Variants in RFC3 observed in about 807,000 individuals in gnomAD.
The protein encoded by RFC3 is A1 38 kDa subunit.
Under a neutral mutation model 45.1 loss-of-function variants are expected in RFC3, and 41 were observed. The ratio of observed to expected loss-of-function variants is 0.91; its 90% CI spans 0.71 to 1.18. The LOEUF (loss-of-function observed/expected upper bound fraction) is 1.18, where lower values mean the gene tolerates loss of function less well. Among genes scored for constraint, RFC3 ranks in the 50% most tolerant of loss-of-function variants. The pLI is 0.00. For synonymous variants in RFC3, 149 were observed against 144.0 expected (o/e 1.03, Z -0.25); for missense variants, 423 against 428.1 (o/e 0.99, Z 0.10).
In RFC3 at chr13:33,836,548, G is replaced by A. The variant is rs2082156770; in HGVS notation, c.*253G>A. The A allele has an allele frequency of 1.7e-6, 2 of 1,170,824 alleles. No individual in the cohort carries two copies. Among genetic ancestry groups the A allele is most frequent in the Non-Finnish European group, 2.1e-6 (2 of 943,640 alleles). 72.5% of individuals were successfully genotyped at this position (1,170,824 alleles called of 1,614,324 possible). Reference sequence around the variant, plus strand: ...TGATCTTAATTTACTTTAAGCATTGGTTATTCAAGTATTCATTGTTGATCC... The same window carrying A: ...TGATCTTAATTTACTTTAAGCATTGATTATTCAAGTATTCATTGTTGATCC... On this transcript the variant is annotated 3_prime_UTR_variant, in exon 9 of 9. Transcript: ENST00000380071.
intron 8 of RFC3, among the ~76,000 whole-genome samples, chr13:33,864,079 G>A (rs1362636508): frequency 1.3e-5 from 2 of 152,190 alleles, no homozygotes; most frequent in Non-Finnish European, 2.9e-5. Context: ...CATGGTGGAA[G>A]GCGATGGGGG....
At chr13:33,820,681 C>T (rs191665756) in intron 1 of RFC3, among the ~76,000 whole-genome samples, 418 of 152,150 alleles carry the variant, frequency 2.7e-3, no homozygotes, top group Non-Finnish European at 5.0e-3. Context: ...TCTAATAGTC[C>T]GAAGTAAGAA....
At chr13:33,885,821 T>C (rs1469280979) in intron 8 of RFC3, among the ~76,000 whole-genome samples, 2 of 152,232 alleles carry the variant, frequency 1.3e-5, no homozygotes, top group African/African-American at 4.8e-5. Flanking sequence ...GGAGTCACTG[T>C]GAGTTGCCTA....
intron 8 of RFC3, among the ~76,000 whole-genome samples, chr13:33,933,557 C>T (rs930007098): frequency 3.3e-5 from 5 of 152,096 alleles, no homozygotes; most frequent in African/African-American, 1.2e-4. Flanking sequence ...TTCTCATCTT[C>T]TCTGTCTCCG....
intron 8 of RFC3, among the ~76,000 whole-genome samples, chr13:33,912,349 A>G (rs978865991): frequency 2.0e-5 from 3 of 152,124 alleles, no homozygotes; most frequent in Non-Finnish European, 4.4e-5. Context: ...TAAATAAGTG[A>G]CTGCAAAATA....
chr13:33,870,846 A>G (rs1593653563), intron 8 of RFC3, among the ~76,000 whole-genome samples: 1 of 152,176 alleles, frequency 6.6e-6, no homozygotes, highest in East Asian at 1.9e-4. Context: ...CTTCAGTACC[A>G]ATGTCTGGAG....
At chr13:33,929,769 T>C (rs9570608) in intron 8 of RFC3, among the ~76,000 whole-genome samples, 46,424 of 151,950 alleles carry the variant, frequency 0.31, 11,369 homozygotes, top group African/African-American at 0.66. Context: ...TTTTCTGAAC[T>C]TTCCCCTATA....
intron 8 of RFC3, among the ~76,000 whole-genome samples, chr13:33,931,375 T>A (rs1447095179): frequency 6.6e-6 from 1 of 152,104 alleles, no homozygotes; most frequent in African/African-American, 2.4e-5. Context: ...GGAGTTTTTG[T>A]TTCTGTATAG....
At chr13:33,947,186 G>A (rs980443319) in intron 8 of RFC3, among the ~76,000 whole-genome samples, 2 of 152,260 alleles carry the variant, frequency 1.3e-5, no homozygotes, top group South Asian at 2.1e-4. Context: ...TGTGTCAAGG[G>A]TAGGACCAGG....
chr13:33,966,134 A>G, exon 9 of RFC3: 1 of 1,605,476 alleles, frequency 6.2e-7, no homozygotes, highest in Non-Finnish European at 8.5e-7. Context: ...GAGGACCTCC[A>G]AAGAACAACT....
chr13:33,930,362 T>G (rs1379374272), intron 8 of RFC3, among the ~76,000 whole-genome samples: 1 of 152,148 alleles, frequency 6.6e-6, no homozygotes, highest in East Asian at 1.9e-4. Flanking sequence ...ACCACTGGTG[T>G]GACTCCAAGA....
downstream of RFC3, among the ~76,000 whole-genome samples, chr13:33,837,738 C>A (rs2082168538): frequency 6.6e-6 from 1 of 151,914 alleles, no homozygotes; most frequent in Non-Finnish European, 1.5e-5. Flanking sequence ...TTTTTATCTT[C>A]TACTTTTTCC....
intron 8 of RFC3, among the ~76,000 whole-genome samples, chr13:33,873,670 A>T (rs2082427256): frequency 6.6e-6 from 1 of 152,144 alleles, no homozygotes; most frequent in Admixed American, 6.6e-5. Context: ...ACTCATGATG[A>T]GACTTTGAAC....
At chr13:33,819,007 C>G (rs1374211947) in intron 1 of RFC3, among the ~76,000 whole-genome samples, 1 of 151,092 alleles carries the variant, frequency 6.6e-6, no homozygotes, top group Non-Finnish European at 1.5e-5. Context: ...TCTCCTGCCT[C>G]AGCCTCCCGA....
chr13:33,941,455 A>G (rs1156609236), intron 8 of RFC3, among the ~76,000 whole-genome samples: 1 of 151,798 alleles, frequency 6.6e-6, no homozygotes, highest in Admixed American at 6.6e-5. Context: ...ATGGTGGTGA[A>G]TTTTCTTAAT....
intron 1 of RFC3, among the ~76,000 whole-genome samples, chr13:33,818,498 C>A (rs111616223): frequency 3.2e-4 from 48 of 152,332 alleles, no homozygotes; most frequent in African/African-American, 1.1e-3. Flanking sequence ...ATTGAAAAGT[C>A]ATAAATACAG....
chr13:33,864,685 A>G (rs1444368012), intron 8 of RFC3, among the ~76,000 whole-genome samples: 1 of 152,110 alleles, frequency 6.6e-6, no homozygotes, highest in Non-Finnish European at 1.5e-5. Context: ...CAAACTATAG[A>G]ATTTTTTTCT....
intron 8 of RFC3, among the ~76,000 whole-genome samples, chr13:33,856,008 A>G (rs12877497): frequency 0.7 from 106,306 of 152,118 alleles, 41,910 homozygotes; most frequent in Non-Finnish European, 0.9. Context: ...CTTTGTTGCA[A>G]TTGCTTTTAG....
At chr13:33,960,419 C>A (rs1359944465) in intron 8 of RFC3, among the ~76,000 whole-genome samples, 1 of 152,144 alleles carries the variant, frequency 6.6e-6, no homozygotes, top group Non-Finnish European at 1.5e-5. Flanking sequence ...GAAACTTGAG[C>A]CCATGCCTGA....
Sources: allele counts gnomAD v4.1 joint callset (sites outside exome capture counted in the v4.1 genomes callset), GRCh38; gene constraint gnomAD v4.1.1; transcripts MANE v1.5; gene names NCBI Gene and HGNC (gene_info 2026-07-23, HGNC 2026-07-21).